The following THSD7A variants were observed in gnomAD, a reference collection of about 807,000 sequenced individuals.
THSD7A encodes thrombospondin type 1 domain containing 7A.
In THSD7A, 96 loss-of-function variants were observed where a neutral mutation model predicts 231.3. The ratio of observed to expected loss-of-function variants is 0.41; its 90% CI spans 0.35 to 0.49. The LOEUF (loss-of-function observed/expected upper bound fraction) is 0.49. Among genes scored for constraint, THSD7A ranks in the 20% least tolerant of loss-of-function variants. THSD7A has a pLI of 0.05. For missense variants in THSD7A, 2,290 were observed against 2,070.2 expected (o/e 1.11, Z -2.06); for synonymous variants, 940 against 743.3 (o/e 1.26, Z -4.30).
intron 1 of THSD7A, among the ~76,000 whole-genome samples, chr7:11,806,217 G>GCTCCA (rs1179854822): frequency 6.6e-6 from 1 of 152,080 alleles, no homozygotes. Flanking sequence ...AGGAACTGCA[G>GCTCCA]CTCCACTCCA....
intron 6 of THSD7A, among the ~76,000 whole-genome samples, chr7:11,498,004 G>A (rs1787174347): frequency 6.6e-6 from 1 of 152,128 alleles, no homozygotes; most frequent in Non-Finnish European, 1.5e-5. Flanking sequence ...GTCCAATATA[G>A]CTATGTGGAG....
chr7:11,526,504 G>A (rs1788479232), intron 6 of THSD7A, among the ~76,000 whole-genome samples: 1 of 152,108 alleles, frequency 6.6e-6, no homozygotes, highest in South Asian at 2.1e-4. Context: ...CAACTAAATA[G>A]TGCATACTTA....
At chr7:11,566,390 T>A (rs1790326552) in intron 4 of THSD7A, among the ~76,000 whole-genome samples, 1 of 152,222 alleles carries the variant, frequency 6.6e-6, no homozygotes, top group African/African-American at 2.4e-5. Context: ...TACATTTGGG[T>A]TGAAATCCAG....
At chr7:11,497,985 C>T (rs1206414128) in intron 6 of THSD7A, among the ~76,000 whole-genome samples, 1 of 152,182 alleles carries the variant, frequency 6.6e-6, no homozygotes, top group Non-Finnish European at 1.5e-5. Context: ...ACTCCACCTT[C>T]AGTCTTCAGT....
chr7:11,443,124 T>C (rs1053517918), intron 13 of THSD7A, among the ~76,000 whole-genome samples: 1 of 152,124 alleles, frequency 6.6e-6, no homozygotes, highest in Non-Finnish European at 1.5e-5. Flanking sequence ...GATGCTCTCA[T>C]GCATCTAATT....
intron 23 of THSD7A, among the ~76,000 whole-genome samples, chr7:11,388,296 A>G (rs1782843049): frequency 6.6e-6 from 1 of 152,064 alleles, no homozygotes; most frequent in Admixed American, 6.6e-5. Context: ...TACCTCTGGT[A>G]GAATTTGACT....
intron 1 of THSD7A, among the ~76,000 whole-genome samples, chr7:11,658,751 T>C (rs763119778): frequency 7.2e-5 from 11 of 151,754 alleles, no homozygotes; most frequent in African/African-American, 1.4e-4. Flanking sequence ...GCGGTTTTCA[T>C]GACATAAGGA....
In THSD7A at chr7:11,429,050, C is replaced by G. The variant is rs768248887; in HGVS notation, c.3140G>C (p.Cys1047Ser). ...CACACCACTCCCACAGGACTTGCTG[C>G]AGCGCGACCAGTTGGACCACTCACT... ...KLSEWSNWSR[C>S]SKSCGSGVKV... The change falls in exon 14 of 28, where the codon TGC (cysteine) becomes TCC (serine). Residue 1047 changes from cysteine (C) to serine (S), a missense_variant. Cys to Ser is a moderately radical substitution (Grantham distance 112). Transcript: ENST00000423059. 2.5e-6 allele frequency: 4 copies of G among 1,613,054 alleles called. No individual in the cohort carries two copies. In the African/African-American group the frequency reaches 5.3e-5, roughly 22 times the overall value.
chr7:11,379,866 G>A (rs1266994119), intron 24 of THSD7A, 154 bp from the exon 25 acceptor site: 1 of 791,236 alleles, frequency 1.3e-6, no homozygotes, highest in Non-Finnish European at 2.1e-6. Flanking sequence ...GGTTAACCTT[G>A]ACCACCTTAT....
intron 1 of THSD7A, among the ~76,000 whole-genome samples, chr7:11,749,375 G>T (rs537032094): frequency 5.3e-5 from 8 of 151,940 alleles, no homozygotes; most frequent in African/African-American, 1.9e-4. Context: ...AGAGCATGTT[G>T]GTTATCTAAT....
intron 1 of THSD7A, among the ~76,000 whole-genome samples, chr7:11,774,031 AC>A (rs1308932530): frequency 6.6e-6 from 1 of 152,210 alleles, no homozygotes; most frequent in Non-Finnish European, 1.5e-5. Context: ...CAGTAGAATT[AC>A]CCAAACAGTA....
At chr7:11,725,746 G>A (rs1781524493) in intron 1 of THSD7A, among the ~76,000 whole-genome samples, 2 of 151,880 alleles carry the variant, frequency 1.3e-5, no homozygotes, top group South Asian at 2.1e-4. Context: ...TTAAACATAC[G>A]CAGTTGTGTA....
In THSD7A at chr7:11,481,949, G is replaced by A; in HGVS notation, c.1856C>T (p.Ala619Val). The change falls in exon 7 of 28, where the codon GCC becomes GTC. Residue 619 changes from alanine to valine, a missense_variant. Physicochemically the swap from Ala to Val is moderately conservative, Grantham distance 64 (BLOSUM62 0). Transcript: ENST00000423059. ...ACAGGCCACAGGGATGGGGAAGATGGCATCTCTGCACAGCTGTCTGTCAAC... is the reference window on the plus strand; with the variant it reads ...ACAGGCCACAGGGATGGGGAAGATGACATCTCTGCACAGCTGTCTGTCAAC... Reference protein sequence around the residue: ...EEVDRQLCRDAIFPIPVACDA... With the variant: ...EEVDRQLCRDVIFPIPVACDA... 1 of 1,613,050 alleles carries A rather than the reference G, an allele frequency of 6.2e-7. No homozygotes were observed. Among genetic ancestry groups the A allele is most frequent in the Non-Finnish European group, 8.5e-7 (1 of 1,179,324 alleles).
At chr7:11,525,264 G>GCTA (rs56678070) in intron 6 of THSD7A, among the ~76,000 whole-genome samples, 2 of 152,046 alleles carry the variant, frequency 1.3e-5, no homozygotes, top group South Asian at 4.1e-4. Context: ...GAGCACTGAA[G>GCTA]TTATTTAAAT....
At chr7:11,420,460 G>A (rs920516502) in intron 16 of THSD7A, among the ~76,000 whole-genome samples, 3 of 152,264 alleles carry the variant, frequency 2.0e-5, no homozygotes, top group Non-Finnish European at 2.9e-5. Context: ...TGTTGGGCCT[G>A]TGGGTGCACA....
At chr7:11,737,593 A>G (rs1484096829) in intron 1 of THSD7A, among the ~76,000 whole-genome samples, 1 of 152,054 alleles carries the variant, frequency 6.6e-6, no homozygotes, top group African/African-American at 2.4e-5. Flanking sequence ...ACAGTAGCAA[A>G]CAAGTCATAA....
intron 4 of THSD7A, among the ~76,000 whole-genome samples, chr7:11,555,788 C>T (rs1789820207): frequency 6.6e-6 from 1 of 151,400 alleles, no homozygotes; most frequent in African/African-American, 2.4e-5. Context: ...CCTTTGCCTT[C>T]TTGGTGGATT....
chr7:11,739,883 G>A (rs768127951), intron 1 of THSD7A, among the ~76,000 whole-genome samples: 1 of 152,066 alleles, frequency 6.6e-6, no homozygotes, highest in South Asian at 2.1e-4. Context: ...TAAGGGAAAA[G>A]GTAGGTGAGG....
chr7:11,483,974 T>A (rs1459764088), intron 6 of THSD7A, among the ~76,000 whole-genome samples: 1 of 152,160 alleles, frequency 6.6e-6, no homozygotes, highest in Non-Finnish European at 1.5e-5. Context: ...TGTGCAATTT[T>A]GACCTTTCTT....
Sources: gnomAD v4.1 joint callset for allele counts (sites outside exome capture counted in the v4.1 genomes callset) on GRCh38, gnomAD v4.1.1 for gene constraint, MANE v1.5 for transcripts, NCBI Gene and HGNC (gene_info 2026-07-23, HGNC 2026-07-21) for gene names.